Variants in ACACA observed in about 807,000 individuals in gnomAD.
ACACA encodes acetyl-CoA carboxylase alpha.
Under a neutral mutation model 296.1 loss-of-function variants are expected in ACACA, and 103 were observed. The observed-to-expected ratio is 0.35, with a 90% CI of 0.30 to 0.41. The LOEUF (loss-of-function observed/expected upper bound fraction) is 0.41, where lower values mean the gene tolerates loss of function less well. Ranked by LOEUF, ACACA falls within the 10% of genes least tolerant of loss-of-function variation. The pLI, the probability that ACACA is intolerant of heterozygous loss-of-function variation, is 1.00. For synonymous variants in ACACA, 953 were observed against 1,038.6 expected (o/e 0.92, Z 1.58); for missense variants, 1,554 against 2,989.7 (o/e 0.52, Z 11.20).
intron 45 of ACACA, chr17:37,140,785 G>A (rs2075539740): frequency 4.8e-6 from 1 of 209,214 alleles, no homozygotes; most frequent in Admixed American, 5.1e-5. Context: ...CCTTGAGAAA[G>A]TTCCCTAGGG....
intron 3 of ACACA, among the ~76,000 whole-genome samples, chr17:37,286,131 C>T (rs1343822025): frequency 6.6e-6 from 1 of 152,148 alleles, no homozygotes; most frequent in Non-Finnish European, 1.5e-5. Flanking sequence ...CTCAGGTGAT[C>T]CGCCCACCTC....
chr17:37,399,853 TATAA>T (rs1047267775), intron 1 of ACACA, among the ~76,000 whole-genome samples: 44 of 152,182 alleles, frequency 2.9e-4, no homozygotes, highest in African/African-American at 1.1e-3. Context: ...GCTTTATTTT[TATAA>T]ATAATGTTCT....
intron 1 of ACACA, among the ~76,000 whole-genome samples, chr17:37,364,328 T>C (rs2049525423): frequency 6.6e-6 from 1 of 151,788 alleles, no homozygotes; most frequent in South Asian, 2.1e-4. Context: ...CCATGGTGGC[T>C]CATGCCTGTA....
intron 52 of ACACA, among the ~76,000 whole-genome samples, chr17:37,110,990 A>AG (rs2142993582): frequency 6.6e-6 from 1 of 152,288 alleles, no homozygotes; most frequent in Non-Finnish European, 1.5e-5. Flanking sequence ...TGAGCAACAG[A>AG]GCAATGGCTG....
intron 1 of ACACA, among the ~76,000 whole-genome samples, chr17:37,405,855 C>CTTTTTT (rs3049528): frequency 3.7e-5 from 2 of 53,558 alleles, no homozygotes; most frequent in African/African-American, 7.6e-5. Context: ...CCCGGCAGGG[C>CTTTTTT]TTTTTTTTTT....
rs750543369 is a variant in ACACA at position 37,089,041 on chromosome 17, C to A, written c.6925G>T (p.Glu2309Ter). The A allele has an allele frequency of 6.2e-7, 1 of 1,614,228 alleles. No individual in the cohort carries two copies. The highest frequency in any genetic ancestry group is 1.1e-5 in the South Asian group (1 of 91,088). The change falls in exon 55 of 56, where the codon GAG becomes TAG. Residue 2309 changes from glutamate to a stop codon, truncating the protein, a stop_gained. Coordinates refer to ENST00000616317, the MANE Select transcript of ACACA (RefSeq NM_198834.3). LOFTEE classifies it high-confidence loss of function. ...YVWDNNKDLA[E>*]WLEKQLTEED... ...TCTGTCAGCTGTTTCTCTAGCCACT[C>A]CGCCAGATCCTTATTATTGTCCCAA...
intron 41 of ACACA, among the ~76,000 whole-genome samples, chr17:37,167,399 A>G (rs1598041494): frequency 6.7e-6 from 1 of 149,570 alleles, no homozygotes; most frequent in African/African-American, 2.5e-5. Context: ...GCTTGCTGCA[A>G]CCTCCGCCTC....
intron 2 of ACACA, 48 bp downstream of exon 2, chr17:37,339,756 A>G: frequency 8.5e-7 from 1 of 1,175,244 alleles, no homozygotes; most frequent in Non-Finnish European, 1.3e-6. Context: ...TACAACATGA[A>G]CAAAATTTTT....
intron 52 of ACACA, among the ~76,000 whole-genome samples, chr17:37,106,151 TAA>T (rs11347340): frequency 5.4e-5 from 8 of 148,512 alleles, no homozygotes; most frequent in South Asian, 2.1e-4. Flanking sequence ...GTAAGATAGG[TAA>T]AAAAAAAAAA....
rs369238425 is a variant in ACACA at position 37,234,964 on chromosome 17, A to C, written c.3246+11T>G. ...TGACGGTCTTTACAAGTTCTGAAAAATGGTACTCACAATAAGCATTGTGAC... is the reference window on the plus strand; with the variant it reads ...TGACGGTCTTTACAAGTTCTGAAAACTGGTACTCACAATAAGCATTGTGAC... On this transcript the variant is annotated intron_variant, in intron 25 of 55. Transcript: ENST00000616317. The C allele has an allele frequency of 1.2e-6, 2 of 1,613,824 alleles. No individual in the cohort carries two copies. Among genetic ancestry groups the C allele is most frequent in the African/African-American group, 2.7e-5 (2 of 74,924 alleles).
rs757126087 is a variant in ACACA at position 37,161,664 on chromosome 17, T to G, written c.5349+117A>C. On this transcript the variant is annotated intron_variant, in intron 42 of 55. Coordinates refer to ENST00000616317, the MANE Select transcript of ACACA (RefSeq NM_198834.3). ...TTTTCACAAATAATTTTGTTTATATTTAATTTTTACCATAAGTGGTGATTT... is the reference window on the plus strand; with the variant it reads ...TTTTCACAAATAATTTTGTTTATATGTAATTTTTACCATAAGTGGTGATTT... 18 of 1,275,458 alleles carry G rather than the reference T, an allele frequency of 1.4e-5. No homozygotes were observed. In the African/African-American group the frequency reaches 2.6e-4, roughly 18 times the overall value. 79.0% of individuals were successfully genotyped at this position (1,275,458 alleles called of 1,614,324 possible).
intron 52 of ACACA, among the ~76,000 whole-genome samples, chr17:37,111,049 G>A (rs746705797): frequency 9.9e-5 from 15 of 152,152 alleles, no homozygotes; most frequent in Non-Finnish European, 1.9e-4. Context: ...TGCAGCTACT[G>A]TTTGGAAGCA....
At chr17:37,240,114 A>C (rs776447509) in intron 24 of ACACA, among the ~76,000 whole-genome samples, 17 of 152,356 alleles carry the variant, frequency 1.1e-4, no homozygotes, top group Admixed American at 3.9e-4. Context: ...GCTGCCAAGA[A>C]TCAAGCTCTT....
chr17:37,254,797 G>A (rs560670993), intron 14 of ACACA, among the ~76,000 whole-genome samples: 7 of 151,284 alleles, frequency 4.6e-5, no homozygotes, highest in African/African-American at 7.3e-5. Context: ...CAGCCTGGCC[G>A]ACATGGTGAA....
intron 54 of ACACA, 29 bp from the exon 55 acceptor site, chr17:37,089,103 C>T (rs1288916908): frequency 1.2e-6 from 2 of 1,613,988 alleles, no homozygotes; most frequent in Non-Finnish European, 1.7e-6. Flanking sequence ...TGGTCAAACA[C>T]CAGGGGTCAG....
At chr17:37,093,523 G>T (rs1348142146) in intron 54 of ACACA, among the ~76,000 whole-genome samples, 1 of 151,994 alleles carries the variant, frequency 6.6e-6, no homozygotes, top group Non-Finnish European at 1.5e-5. Flanking sequence ...TTGGAGACAG[G>T]GTCTCACTCT....
At chr17:37,287,756 C>CA (rs35341859) in intron 3 of ACACA, among the ~76,000 whole-genome samples, 23,011 of 123,186 alleles carry the variant, frequency 0.19, 2,101 homozygotes, top group East Asian at 0.47. Flanking sequence ...AACAAAAAGA[C>CA]AAAAAAAAAA....
At chr17:37,088,773 C>T (rs2072399682) in intron 55 of ACACA, among the ~76,000 whole-genome samples, 165 bp downstream of exon 55, 1 of 152,206 alleles carries the variant, frequency 6.6e-6, no homozygotes, top group African/African-American at 2.4e-5. Context: ...AAGAATTGGG[C>T]TTCAGGCCAT....
intron 3 of ACACA, among the ~76,000 whole-genome samples, chr17:37,291,080 CAAAAA>C (rs57643200): frequency 4.7e-5 from 4 of 85,220 alleles, no homozygotes; most frequent in Admixed American, 1.4e-4. Context: ...GACTCTGTCT[CAAAAA>C]AAAAAAAAAA....
Sources: gnomAD v4.1 joint callset for allele counts (sites outside exome capture counted in the v4.1 genomes callset) on GRCh38, gnomAD v4.1.1 for gene constraint, MANE v1.5 for transcripts, NCBI Gene and HGNC (gene_info 2026-07-23, HGNC 2026-07-21) for gene names.